Variants in NR3C2 observed in about 807,000 individuals in gnomAD.
NR3C2 encodes the protein mineralocorticoid receptor.
A neutral mutation model predicts 86.4 loss-of-function variants in NR3C2; 15 were observed. The ratio of observed to expected loss-of-function variants is 0.17; its 90% CI spans 0.12 to 0.27. NR3C2 has a LOEUF of 0.27. Ranked by LOEUF, NR3C2 falls within the 10% of genes least tolerant of loss-of-function variation. NR3C2 has a pLI of 1.00. For synonymous variants in NR3C2, 458 were observed against 450.5 expected (o/e 1.02, Z -0.21); for missense variants, 960 against 1,195.6 (o/e 0.80, Z 2.91).
chr4:148,285,744 C>T (rs1741490996), intron 2 of NR3C2, among the ~76,000 whole-genome samples: 1 of 152,042 alleles, frequency 6.6e-6, no homozygotes, highest in Admixed American at 6.6e-5. Context: ...AAACTTCCTC[C>T]ATTGGCACAC....
At chr4:148,433,866 T>G (rs1177369373) in intron 2 of NR3C2, among the ~76,000 whole-genome samples, 2 of 152,194 alleles carry the variant, frequency 1.3e-5, no homozygotes, top group Non-Finnish European at 2.9e-5. Context: ...GTGTTAGAAC[T>G]TATAATTTAA....
chr4:148,346,661 A>G (rs1745008781), intron 2 of NR3C2, among the ~76,000 whole-genome samples: 1 of 152,160 alleles, frequency 6.6e-6, no homozygotes, highest in South Asian at 2.1e-4. Context: ...GATACATGCT[A>G]CATTTCCAAG....
chr4:148,231,685 G>A (rs1738470413), intron 3 of NR3C2, among the ~76,000 whole-genome samples: 1 of 152,102 alleles, frequency 6.6e-6, no homozygotes. Flanking sequence ...AGACAACAAT[G>A]AAGTTTGCTG....
chr4:148,314,360 A>G (rs1373337703), intron 2 of NR3C2, among the ~76,000 whole-genome samples: 4 of 152,136 alleles, frequency 2.6e-5, no homozygotes, highest in Non-Finnish European at 4.4e-5. Context: ...ATATATAACT[A>G]TGCTTAAAAT....
At chr4:148,082,246 C>CTTTA (rs1730597849) in intron 8 of NR3C2, among the ~76,000 whole-genome samples, 2 of 152,178 alleles carry the variant, frequency 1.3e-5, no homozygotes. Context: ...CCTACTCCTA[C>CTTTA]TTTATTAAAA....
Position 148,267,939 on chromosome 4 carries a change from G to GTT in NR3C2, c.1758-7824_1758-7823dup, listed in dbSNP as rs71594257. On this transcript the variant is annotated intron_variant, in intron 2 of 8. Transcript: ENST00000358102. ...AAAGGCTTATATTTTGAGTCACAGT[G>GTT]TTTTTTTTTTTTTTTTTTGAGACGG... 1.9e-3 allele frequency among the ~76,000 whole-genome samples: 224 copies of GTT among 116,474 alleles called. 3 individuals carry two copies. Among genetic ancestry groups the GTT allele is most frequent in the East Asian group, 9.8e-3 (34 of 3,478 alleles). The allele number at this position is 116,474 out of a possible 152,430, so 76.4% of individuals were successfully genotyped here. A position where few individuals can be genotyped will look rare whatever the true frequency, so the allele number is the denominator to read the frequency against.
At chr4:148,427,907 G>A (rs551540738) in intron 2 of NR3C2, among the ~76,000 whole-genome samples, 7 of 152,222 alleles carry the variant, frequency 4.6e-5, no homozygotes, top group Non-Finnish European at 7.4e-5. Context: ...CAGTATGTAC[G>A]TAACTCACTT....
At chr4:148,226,007 A>G (rs969230105) in intron 3 of NR3C2, among the ~76,000 whole-genome samples, 8 of 152,190 alleles carry the variant, frequency 5.3e-5, no homozygotes, top group Non-Finnish European at 7.4e-5. Flanking sequence ...AATAAAATAT[A>G]AGCCTTTATG....
chr4:148,435,926 C>T lies in NR3C2; in HGVS notation c.935G>A (p.Ser312Asn). 6.2e-7 allele frequency: 1 copy of T among 1,614,154 alleles called. No individual in the cohort carries two copies. The highest frequency in any genetic ancestry group is 8.5e-7 in the Non-Finnish European group (1 of 1,180,018). The change falls in exon 2 of 9, where the codon AGC becomes AAC. Residue 312 changes from serine (S) to asparagine (N), a missense_variant. Coordinates refer to ENST00000358102, the MANE Select transcript of NR3C2 (RefSeq NM_000901.5). Reference protein sequence around the residue: ...NINNSRCSVSSPSNTNNRSTL... With the variant: ...NINNSRCSVSNPSNTNNRSTL... ...GGATCTGTTATTAGTGTTCGAAGGGCTGGAAACAGAGCACCTTGAGTTGTT... is the reference window on the plus strand; with the variant it reads ...GGATCTGTTATTAGTGTTCGAAGGGTTGGAAACAGAGCACCTTGAGTTGTT...
Position 148,226,010 on chromosome 4 carries a change from C to A in NR3C2, c.1898-31148G>T, listed in dbSNP as rs192614776. Among the ~76,000 whole-genome samples the A allele has an allele frequency of 2.0e-5, 3 of 152,116 alleles. No individual in the cohort carries two copies. The East Asian group carries it at 5.8e-4, about 29-fold the overall frequency. On this transcript the variant is annotated intron_variant, in intron 3 of 8. Coordinates refer to ENST00000358102, the MANE Select transcript of NR3C2 (RefSeq NM_000901.5). ...TAATAACATTTAAATAAAATATAAG[C>A]CTTTATGCTTTCCTAAGATATGTGT...
intron 3 of NR3C2, chr4:148,201,231 C>G (rs1395105419): frequency 6.6e-6 from 1 of 152,160 alleles, no homozygotes; most frequent in Non-Finnish European, 1.5e-5. Context: ...ACTGTCAAGT[C>G]CGAGCTCTTA....
intron 2 of NR3C2, among the ~76,000 whole-genome samples, chr4:148,356,141 G>C (rs1245845721): frequency 6.6e-6 from 1 of 152,186 alleles, no homozygotes; most frequent in East Asian, 1.9e-4. Flanking sequence ...GGAATGAAAA[G>C]AGACAAATTT....
At chr4:148,442,571 T>G (rs1221238300), upstream of NR3C2, 1 of 883,068 alleles carries the variant, frequency 1.1e-6, no homozygotes, top group African/African-American at 1.8e-5. Flanking sequence ...CCCGCCCCCC[T>G]GAACCCTTCC....
In NR3C2 at chr4:148,079,280, C is replaced by G. The variant is rs755917435; in HGVS notation, c.*2064G>C. The stretch of plus-strand genomic sequence containing the variant: ...CCGTAAGTTGACTGTATTTAAAGAT[C>G]TGCCTATAAATTAAATTCCTGAAAT... On this transcript the variant is annotated 3_prime_UTR_variant, in exon 9 of 9. Transcript: ENST00000358102. 2.6e-5 allele frequency: 4 copies of G among 152,196 alleles called. No homozygotes were observed. Among genetic ancestry groups the G allele is most frequent in the African/African-American group, 4.8e-5 (2 of 41,450 alleles). 9.4% of individuals were successfully genotyped at this position (152,196 alleles called of 1,614,324 possible). A position where few individuals can be genotyped will look rare whatever the true frequency, so the allele number is the denominator to read the frequency against.
intron 3 of NR3C2, among the ~76,000 whole-genome samples, chr4:148,203,527 G>A (rs534016977): frequency 6.6e-6 from 1 of 151,294 alleles, no homozygotes; most frequent in African/African-American, 2.4e-5. Flanking sequence ...TACATCACAT[G>A]TCACTTACAT....
intron 2 of NR3C2, among the ~76,000 whole-genome samples, chr4:148,345,601 T>C (rs1283672846): frequency 6.6e-6 from 1 of 151,982 alleles, no homozygotes; most frequent in Admixed American, 6.6e-5. Flanking sequence ...AGCTTTTTAA[T>C]AATGACTTGT....
At chr4:148,389,950 C>T (rs1285931957) in intron 2 of NR3C2, among the ~76,000 whole-genome samples, 2 of 151,968 alleles carry the variant, frequency 1.3e-5, no homozygotes, top group African/African-American at 4.8e-5. Context: ...AAAATCATTA[C>T]CTTTTATATA....
At chr4:148,090,332 G>T (rs537486323) in intron 8 of NR3C2, among the ~76,000 whole-genome samples, 2 of 152,226 alleles carry the variant, frequency 1.3e-5, no homozygotes, top group Non-Finnish European at 2.9e-5. Flanking sequence ...CCTGAAGGTC[G>T]CATGGCCATT....
At chr4:148,255,199 C>T (rs1376000123) in intron 3 of NR3C2, among the ~76,000 whole-genome samples, 1 of 152,136 alleles carries the variant, frequency 6.6e-6, no homozygotes, top group Non-Finnish European at 1.5e-5. Flanking sequence ...ACACACTTTC[C>T]TCTGGAACTG....
Sources: gnomAD v4.1 joint callset for allele counts (sites outside exome capture counted in the v4.1 genomes callset) on GRCh38, gnomAD v4.1.1 for gene constraint, MANE v1.5 for transcripts, NCBI Gene and HGNC (gene_info 2026-07-23, HGNC 2026-07-21) for gene names.